E2F8: variants seen among roughly 807,000 people sequenced by gnomAD.
The protein encoded by E2F8 is E2F transcription factor 8.
E2F8 carries 35 observed loss-of-function variants against 80.8 expected under a neutral mutation model. The ratio of observed to expected loss-of-function variants is 0.43; its 90% CI spans 0.33 to 0.57. The LOEUF is 0.57. Among genes scored for constraint, E2F8 ranks in the 20% least tolerant of loss-of-function variants. The pLI is 0.04. For synonymous variants in E2F8, 386 were observed against 395.0 expected (o/e 0.98, Z 0.27); for missense variants, 975 against 1,056.2 (o/e 0.92, Z 1.07).
chr11:19,231,409 G>T (rs1198768242), intron 7 of E2F8, among the ~76,000 whole-genome samples: 3 of 152,174 alleles, frequency 2.0e-5, no homozygotes, highest in Non-Finnish European at 2.9e-5. Flanking sequence ...AGGTGCCATT[G>T]TTCTTCCCAT....
chr11:19,238,931 C>A (rs1299415197), intron 2 of E2F8, among the ~76,000 whole-genome samples: 3 of 152,182 alleles, frequency 2.0e-5, no homozygotes, highest in Non-Finnish European at 4.4e-5. Context: ...TAGATCCTGG[C>A]AGAAGCAGGA....
In E2F8 at chr11:19,240,163, T is replaced by C; in HGVS notation, c.-42A>G. On this transcript the variant is annotated 5_prime_UTR_variant, in exon 2 of 13. Transcript: ENST00000250024. ...ACATTTAGAGTTTAAAAATGAAAAA[T>C]CTGGAGTTCCTCCCCAAATCCCGAT... 2.1e-6 allele frequency: 3 copies of C among 1,420,450 alleles called. No individual in the cohort carries two copies. Among genetic ancestry groups the C allele is most frequent in the Non-Finnish European group, 2.8e-6 (3 of 1,058,180 alleles). The allele number at this position is 1,420,450 out of a possible 1,614,324, so 88.0% of individuals were successfully genotyped here. A position where few individuals can be genotyped will look rare whatever the true frequency, so the allele number is the denominator to read the frequency against.
Position 19,224,562 on chromosome 11 carries a change from C to T in E2F8, c.*96G>A. The stretch of plus-strand genomic sequence containing the variant: ...ATTGAACAAATCCCCAACGTATTTA[C>T]AGTATTTTCAGAGAATGTGTTCTCC... On this transcript the variant is annotated 3_prime_UTR_variant, in exon 13 of 13. Transcript: ENST00000250024. 1 of 1,271,656 alleles carries T rather than the reference C, an allele frequency of 7.9e-7. No homozygotes were observed. The highest frequency in any genetic ancestry group is 1.5e-5 in the South Asian group (1 of 67,806). 78.8% of individuals were successfully genotyped at this position (1,271,656 alleles called of 1,614,324 possible).
At position 19,225,884 on chromosome 11, in the gene E2F8, G is replaced by A. The variant is rs767718767; in HGVS notation, c.1894-20C>T. On this transcript the variant is annotated intron_variant, in intron 10 of 12. Transcript: ENST00000250024. ...CAAGGTCTAGAAAACAAGGAGGAAG[G>A]GTTTATTTTACACACAAATACAGGA... is the stretch of plus-strand genomic sequence containing the variant. 9 of 1,608,096 alleles carry A rather than the reference G, an allele frequency of 5.6e-6. No homozygotes were observed. Among genetic ancestry groups the A allele is most frequent in the South Asian group, 5.5e-5 (5 of 90,694 alleles).
intron 4 of E2F8, among the ~76,000 whole-genome samples, chr11:19,236,805 C>A (rs1279936263): frequency 6.6e-6 from 1 of 152,156 alleles, no homozygotes; most frequent in Non-Finnish European, 1.5e-5. Flanking sequence ...AGATTCAGGT[C>A]TTTGAACAGA....
chr11:19,226,106 C>T (rs1851230538), intron 10 of E2F8: 1 of 492,826 alleles, frequency 2.0e-6, no homozygotes, highest in Non-Finnish European at 3.6e-6. Context: ...TCTTAGGACA[C>T]CTTTGGATGA....
chr11:19,230,468 C>A, intron 8 of E2F8, 140 bp from the exon 9 acceptor site: 1 of 1,198,784 alleles, frequency 8.3e-7, no homozygotes, highest in African/African-American at 1.5e-5. Context: ...ATAAACCCCA[C>A]AAATGACTTT....
chr11:19,227,482 A>C (rs1353227235), intron 10 of E2F8, among the ~76,000 whole-genome samples: 1 of 152,204 alleles, frequency 6.6e-6, no homozygotes, highest in Non-Finnish European at 1.5e-5. Context: ...ATTTCCAACA[A>C]ACTATATTCA....
intron 4 of E2F8, among the ~76,000 whole-genome samples, chr11:19,236,477 C>T (rs1851522130): frequency 1.3e-5 from 2 of 152,130 alleles, no homozygotes; most frequent in African/African-American, 2.4e-5. Flanking sequence ...TTTTTGTTTA[C>T]GGATGTATCC....
chr11:19,235,613 C>A (rs1183597216), intron 4 of E2F8, among the ~76,000 whole-genome samples: 3 of 152,022 alleles, frequency 2.0e-5, no homozygotes, highest in Non-Finnish European at 4.4e-5. Context: ...CGCGCCACAG[C>A]ACTCCAGCCT....
Position 19,238,030 on chromosome 11 carries a change from C to G in E2F8, c.118G>C (p.Gly40Arg), listed in dbSNP as rs760595357. Residue 40 changes from glycine (G) to arginine (R), a missense_variant, in exon 3 of 13, where the codon GGC becomes CGC. Physicochemically the swap from Gly to Arg is moderately radical, Grantham distance 125 (BLOSUM62 -2). Transcript: ENST00000250024. ...GGCTTGGTAGGTGTGGTTAAAGGGC[C>G]AAAGTCAGGCTGGATCTCTGCCAAC... ...IVLAEIQPDF[G>R]PLTTPTKPKE... 12 of 1,614,050 alleles carry G rather than the reference C, an allele frequency of 7.4e-6. No homozygotes were observed. Among genetic ancestry groups the G allele is most frequent in the Non-Finnish European group, 1.0e-5 (12 of 1,180,022 alleles).
rs745397350 is a variant in E2F8 at position 19,229,590 on chromosome 11, G to A, written c.1757C>T (p.Pro586Leu). 2 of 1,614,176 alleles carry A rather than the reference G, an allele frequency of 1.2e-6. No individual in the cohort carries two copies. Among genetic ancestry groups the A allele is most frequent in the South Asian group, 2.2e-5 (2 of 91,082 alleles). ...TCGGCTCTTTGCCCCTTGCCTCTCT[G>A]GTGCTGGCAGCAAGCTTCCAGGCCT... ...STRPGSLLPA[P>L]ERQGAKSRTR... Residue 586 changes from proline (P) to leucine (L), a missense_variant, in exon 10 of 13, where the codon CCA (proline) becomes CTA (leucine). Pro to Leu is a moderately conservative substitution (Grantham distance 98). Transcript: ENST00000250024. The surrounding 1 kb of genome is among the most constrained non-coding windows in gnomAD (Gnocchi z 4.3).
intron 7 of E2F8, among the ~76,000 whole-genome samples, chr11:19,231,592 G>T (rs11025063): frequency 6.6e-6 from 1 of 152,172 alleles, no homozygotes; most frequent in East Asian, 1.9e-4. Flanking sequence ...TGTCAGCATC[G>T]CAGAGTTAAG....
At chr11:19,234,707 T>G (rs1348391903) in intron 5 of E2F8, 37 bp downstream of exon 5, 2 of 1,579,166 alleles carry the variant, frequency 1.3e-6, no homozygotes, top group Non-Finnish European at 1.7e-6. Flanking sequence ...AGAGGACAAA[T>G]GCCATGCCGC....
chr11:19,232,012 G>C (rs1851395495), intron 7 of E2F8, among the ~76,000 whole-genome samples: 2 of 152,158 alleles, frequency 1.3e-5, no homozygotes, highest in African/African-American at 4.8e-5. Flanking sequence ...AAAGAAATGA[G>C]ATCATGTCCT....
At position 19,224,493 on chromosome 11, in the gene E2F8, G is replaced by A. The variant is rs113006499; in HGVS notation, c.*165C>T. 245 of 503,814 alleles carry A rather than the reference G, an allele frequency of 4.9e-4. No individual in the cohort carries two copies. The highest frequency in any genetic ancestry group is 1.1e-3 in the Middle Eastern group (2 of 1,844). The allele number at this position is 503,814 out of a possible 1,614,324, so 31.2% of individuals were successfully genotyped here. A position where few individuals can be genotyped will look rare whatever the true frequency, so the allele number is the denominator to read the frequency against. On this transcript the variant is annotated 3_prime_UTR_variant, in exon 13 of 13. Transcript: ENST00000250024. ...TATGTGTGTGTGTGTGTGTGTGTGT[G>A]TGTGTATATATATATATGTATGAAA... is the stretch of plus-strand genomic sequence containing the variant.
At chr11:19,230,374 A>G in intron 8 of E2F8, 46 bp from the exon 9 acceptor site, 1 of 1,573,558 alleles carries the variant, frequency 6.4e-7, no homozygotes, top group Non-Finnish European at 8.7e-7. Context: ...GCTAAAGAAC[A>G]AATGTTCACA....
intron 6 of E2F8, 30 bp from the exon 7 acceptor site, chr11:19,232,401 T>A: frequency 6.4e-7 from 1 of 1,569,662 alleles, no homozygotes; most frequent in Non-Finnish European, 8.7e-7. Flanking sequence ...TACCACTTAA[T>A]GGAATAATGA....
At chr11:19,238,613 T>C (rs901132439) in intron 2 of E2F8, among the ~76,000 whole-genome samples, 4 of 152,224 alleles carry the variant, frequency 2.6e-5, no homozygotes, top group African/African-American at 9.6e-5. Flanking sequence ...CCTAGCATAA[T>C]GGCTGCATGC....
Sources: allele counts gnomAD v4.1 joint callset (sites outside exome capture counted in the v4.1 genomes callset), GRCh38; gene constraint gnomAD v4.1.1; non-coding constraint Gnocchi (gnomAD v3.1); transcripts MANE v1.5; gene names NCBI Gene and HGNC (gene_info 2026-07-23, HGNC 2026-07-21).